The following MSRA variants were observed in gnomAD, a reference collection of about 807,000 sequenced individuals.
MSRA encodes the protein mitochondrial peptide methionine sulfoxide reductase.
A neutral mutation model predicts 31.3 loss-of-function variants in MSRA; 54 were observed. The ratio of observed to expected loss-of-function variants is 1.73; its 90% CI spans 1.39 to 2.17. MSRA has a LOEUF of 2.17. Ranked by LOEUF, MSRA falls within the 30% of genes most tolerant of loss-of-function variation. The pLI is 0.00. For missense variants in MSRA, 507 were observed against 300.9 expected (o/e 1.69, Z -5.07); for synonymous variants, 169 against 116.5 (o/e 1.45, Z -2.90).
At chr8:10,105,542 A>G (rs1799823755) in intron 1 of MSRA, among the ~76,000 whole-genome samples, 1 of 152,198 alleles carries the variant, frequency 6.6e-6, no homozygotes, top group Admixed American at 6.5e-5. Context: ...GCTATAGCAC[A>G]CCGATAATGT....
chr8:10,261,630 G>A (rs1393856425), intron 3 of MSRA, among the ~76,000 whole-genome samples: 1 of 152,148 alleles, frequency 6.6e-6, no homozygotes, highest in Non-Finnish European at 1.5e-5. Context: ...GTTACCGCCT[G>A]CCACACATAC....
chr8:10,389,034 C>G (rs1806570110), intron 5 of MSRA, among the ~76,000 whole-genome samples: 1 of 152,088 alleles, frequency 6.6e-6, no homozygotes, highest in East Asian at 1.9e-4. Context: ...TATTGGAACG[C>G]TAAGCTTGTG....
intron 5 of MSRA, among the ~76,000 whole-genome samples, chr8:10,424,058 G>A (rs968962739): frequency 2.0e-5 from 3 of 152,344 alleles, no homozygotes; most frequent in Admixed American, 6.5e-5. Flanking sequence ...CGGGCATTGC[G>A]ATGCCACGCG....
chr8:10,167,282 G>A (rs575949778), intron 1 of MSRA, among the ~76,000 whole-genome samples: 30 of 152,288 alleles, frequency 2.0e-4, no homozygotes, highest in Admixed American at 3.3e-4. Context: ...AAAGGCAGCC[G>A]ATACTGCTCT....
At chr8:10,173,435 C>T (rs945718121) in intron 1 of MSRA, among the ~76,000 whole-genome samples, 10 of 152,362 alleles carry the variant, frequency 6.6e-5, no homozygotes, top group South Asian at 4.1e-4. Context: ...AGAGAGGGCT[C>T]GTGTTTCAAT....
intron 3 of MSRA, among the ~76,000 whole-genome samples, chr8:10,290,535 A>G (rs1415616719): frequency 6.6e-6 from 1 of 152,156 alleles, no homozygotes; most frequent in African/African-American, 2.4e-5. Context: ...TTTGCATCAG[A>G]AGCACCCATG....
In MSRA at chr8:10,389,876, A is replaced by G. The variant is rs910609549; in HGVS notation, c.544-38272A>G. Among the ~76,000 whole-genome samples the G allele has an allele frequency of 2.0e-5, 3 of 150,946 alleles. No homozygotes were observed. The East Asian group carries it at 5.8e-4, about 29-fold the overall frequency. Reference sequence around the variant, plus strand: ...ACCACACACTGTTGCCTGAAATGCAAGGTCATTCACAGAATCGCCCATGGT... The same window carrying G: ...ACCACACACTGTTGCCTGAAATGCAGGGTCATTCACAGAATCGCCCATGGT... On this transcript the variant is annotated intron_variant, in intron 5 of 5. Transcript: ENST00000317173.
chr8:10,346,810 G>T (rs1184787282), intron 5 of MSRA, among the ~76,000 whole-genome samples: 1 of 152,212 alleles, frequency 6.6e-6, no homozygotes, highest in Non-Finnish European at 1.5e-5. Flanking sequence ...CTTGCCATTT[G>T]GGGCTGATTG....
intron 1 of MSRA, among the ~76,000 whole-genome samples, chr8:10,109,044 A>G (rs1433994972): frequency 2.0e-5 from 3 of 152,218 alleles, no homozygotes; most frequent in East Asian, 1.9e-4. Context: ...TTTCAGTTCA[A>G]TTAGATCAAC....
At chr8:10,220,500 A>T (rs978632279) in intron 2 of MSRA, among the ~76,000 whole-genome samples, 1 of 152,260 alleles carries the variant, frequency 6.6e-6, no homozygotes, top group Non-Finnish European at 1.5e-5. Context: ...AAGCCTACTC[A>T]GGGTGAATCA....
intron 5 of MSRA, among the ~76,000 whole-genome samples, chr8:10,351,134 C>T (rs1804113426): frequency 6.6e-6 from 1 of 152,014 alleles, no homozygotes; most frequent in African/African-American, 2.4e-5. Flanking sequence ...GAAGCTTGTT[C>T]CTCGGTGGTG....
chr8:10,196,716 A>AT (rs990813418), intron 1 of MSRA, among the ~76,000 whole-genome samples: 48 of 150,912 alleles, frequency 3.2e-4, no homozygotes, highest in African/African-American at 1.1e-3. Context: ...TGCCCGGCTA[A>AT]TTTTTTTTTA....
rs528715321 is a variant in MSRA at position 10,314,253 on chromosome 8, G to C, written c.437-5630G>C. On this transcript the variant is annotated intron_variant, in intron 4 of 5. Transcript: ENST00000317173. ...AAAAAATAACAAATTGCCAAGAACA[G>C]AGAGATTATATTTGATAAAGGATTA... Among the ~76,000 whole-genome samples, 7 of 151,944 alleles carry C rather than the reference G, an allele frequency of 4.6e-5. No individual in the cohort carries two copies. In the South Asian group the frequency reaches 1.5e-3, roughly 32 times the overall value.
chr8:10,102,969 G>C (rs1317927789), intron 1 of MSRA, among the ~76,000 whole-genome samples: 1 of 152,116 alleles, frequency 6.6e-6, no homozygotes, highest in South Asian at 2.1e-4. Context: ...TTGATAACTT[G>C]TTTAATGATA....
chr8:10,064,892 G>A (rs1172667140), intron 1 of MSRA, among the ~76,000 whole-genome samples: 1 of 152,118 alleles, frequency 6.6e-6, no homozygotes, highest in Non-Finnish European at 1.5e-5. Context: ...TACTTTGAGG[G>A]AATTCATAGC....
At chr8:10,299,810 A>G (rs1202160734) in intron 3 of MSRA, among the ~76,000 whole-genome samples, 1 of 152,224 alleles carries the variant, frequency 6.6e-6, no homozygotes, top group East Asian at 1.9e-4. Flanking sequence ...CTTTACTGAA[A>G]AGCAGTTTGG....
intron 4 of MSRA, among the ~76,000 whole-genome samples, chr8:10,308,927 A>G (rs1177625849): frequency 6.6e-6 from 1 of 152,234 alleles, no homozygotes; most frequent in Non-Finnish European, 1.5e-5. Context: ...ATTATAAAAC[A>G]TCTGCCACTA....
chr8:10,286,126 A>T (rs1313846451), intron 3 of MSRA, among the ~76,000 whole-genome samples: 2 of 152,124 alleles, frequency 1.3e-5, no homozygotes, highest in African/African-American at 4.8e-5. Context: ...CATCCTGTCC[A>T]TTCTAGGATC....
chr8:10,387,050 T>C (rs948965068), intron 5 of MSRA, among the ~76,000 whole-genome samples: 1 of 152,166 alleles, frequency 6.6e-6, no homozygotes, highest in African/African-American at 2.4e-5. Context: ...GGGTGGGGCC[T>C]GAGCTTCTGC....
Sources: allele counts gnomAD v4.1 joint callset (sites outside exome capture counted in the v4.1 genomes callset), GRCh38; gene constraint gnomAD v4.1.1; transcripts MANE v1.5; gene names NCBI Gene and HGNC (gene_info 2026-07-23, HGNC 2026-07-21).